Variants in WWOX observed in about 807,000 individuals in gnomAD.
WWOX encodes the protein WW domain-containing oxidoreductase.
WWOX carries 69 observed loss-of-function variants against 46.2 expected under a neutral mutation model. The ratio of observed to expected loss-of-function variants is 1.49; its 90% CI spans 1.23 to 1.82. The LOEUF is 1.82. Ranked by LOEUF, WWOX falls within the 40% of genes most tolerant of loss-of-function variation. WWOX has a pLI of 0.00. For missense variants in WWOX, 919 were observed against 542.6 expected (o/e 1.69, Z -6.89); for synonymous variants, 359 against 202.6 (o/e 1.77, Z -6.56).
At chr16:78,658,051 G>A (rs1001718794) in intron 8 of WWOX, among the ~76,000 whole-genome samples, 3 of 151,884 alleles carry the variant, frequency 2.0e-5, no homozygotes, top group Non-Finnish European at 4.4e-5. Context: ...ATTCTTTGTT[G>A]GGGGGGATTT....
At chr16:78,637,225 C>T (rs533345188) in intron 8 of WWOX, among the ~76,000 whole-genome samples, 2 of 152,104 alleles carry the variant, frequency 1.3e-5, no homozygotes, top group South Asian at 2.1e-4. Context: ...AGTTTGAGAC[C>T]AGCCTGGGCA....
At chr16:78,841,510 T>C (rs2052148961) in intron 8 of WWOX, among the ~76,000 whole-genome samples, 1 of 152,222 alleles carries the variant, frequency 6.6e-6, no homozygotes, top group African/African-American at 2.4e-5. Flanking sequence ...ATAAGGATGA[T>C]TGTTTTAGTT....
chr16:78,592,492 C>T (rs1188476531), intron 8 of WWOX, among the ~76,000 whole-genome samples: 2 of 152,176 alleles, frequency 1.3e-5, no homozygotes, highest in South Asian at 4.1e-4. Context: ...ATTCCTCAAG[C>T]CCCTGGACTC....
intron 8 of WWOX, among the ~76,000 whole-genome samples, chr16:79,142,177 C>T (rs576646331): frequency 6.6e-6 from 1 of 151,640 alleles, no homozygotes; most frequent in South Asian, 2.1e-4. Context: ...TGTAGATATT[C>T]CAGGGATGGA....
intron 8 of WWOX, among the ~76,000 whole-genome samples, chr16:78,814,958 C>G (rs1461576393): frequency 2.6e-5 from 4 of 152,186 alleles, no homozygotes; most frequent in African/African-American, 9.6e-5. Context: ...CTTTCTTCTT[C>G]TGGTTGGATT....
chr16:78,879,928 A>G (rs2044309442), intron 8 of WWOX, among the ~76,000 whole-genome samples: 1 of 152,090 alleles, frequency 6.6e-6, no homozygotes, highest in Non-Finnish European at 1.5e-5. Flanking sequence ...TGGAATCTCT[A>G]GGGTCTCTGG....
At position 78,147,922 on chromosome 16, in the gene WWOX, A is replaced by C. The variant is rs2034264177; in HGVS notation, c.410-16261A>C. Among the ~76,000 whole-genome samples the C allele has an allele frequency of 2.0e-5, 3 of 151,976 alleles. No individual in the cohort carries two copies. The South Asian group carries it at 6.2e-4, about 31-fold the overall frequency. Reference sequence around the variant, plus strand: ...TCACAGCCCTTTTGGTCATTAAGAAAGTCAAGGAACGGGGTCTCTTTGGAT... The same window carrying C: ...TCACAGCCCTTTTGGTCATTAAGAACGTCAAGGAACGGGGTCTCTTTGGAT... On this transcript the variant is annotated intron_variant, in intron 4 of 8. Coordinates refer to ENST00000566780, the MANE Select transcript of WWOX (RefSeq NM_016373.4).
chr16:79,060,155 G>A (rs1437229392), intron 8 of WWOX, among the ~76,000 whole-genome samples: 7 of 152,162 alleles, frequency 4.6e-5, no homozygotes, highest in African/African-American at 9.7e-5. Context: ...TGGGCAGTGG[G>A]GGTGGGGAGG....
Position 78,836,989 on chromosome 16 carries a change from G to A in WWOX, c.1057-374619G>A, listed in dbSNP as rs555019868. ...GAGAGAAACAGGGAGAGTGGAGGTT[G>A]TTCTCTAGAACATAGAAGCCGCTTC... On this transcript the variant is annotated intron_variant, in intron 8 of 8. Transcript: ENST00000566780. 3.9e-5 allele frequency among the ~76,000 whole-genome samples: 6 copies of A among 152,274 alleles called. No individual in the cohort carries two copies. The East Asian group carries it at 5.8e-4, about 15-fold the overall frequency.
intron 8 of WWOX, among the ~76,000 whole-genome samples, chr16:78,902,805 C>G (rs920846669): frequency 1.2e-4 from 19 of 152,182 alleles, no homozygotes; most frequent in East Asian, 3.9e-4. Context: ...CTGCCCTGTC[C>G]TCAGGCTTAG....
chr16:78,737,160 T>A (rs2049111063), intron 8 of WWOX, among the ~76,000 whole-genome samples: 1 of 151,874 alleles, frequency 6.6e-6, no homozygotes, highest in Non-Finnish European at 1.5e-5. Context: ...AGTGCAGTGG[T>A]ATGATCTCGG....
In WWOX at chr16:79,005,174, A is replaced by T. The variant is rs150442764; in HGVS notation, c.1057-206434A>T. Among the ~76,000 whole-genome samples, 73 of 152,208 alleles carry T rather than the reference A, an allele frequency of 4.8e-4. 1 individual carries two copies. Among genetic ancestry groups the T allele is most frequent in the Middle Eastern group, 3.4e-3 (1 of 294 alleles). On this transcript the variant is annotated intron_variant, in intron 8 of 8. Coordinates refer to ENST00000566780, the MANE Select transcript of WWOX (RefSeq NM_016373.4). ...CTCTTTTGCTTGCCTTGTGCTTTGA[A>T]TGCAGGCCTGATGTTTGCCTGTGGA...
chr16:78,964,746 C>A (rs1201594096), intron 8 of WWOX, among the ~76,000 whole-genome samples: 3 of 152,236 alleles, frequency 2.0e-5, no homozygotes, highest in African/African-American at 7.2e-5. Flanking sequence ...AGCAGCCCCT[C>A]CTATCAGAGG....
At chr16:78,233,617 C>T (rs575907242) in intron 5 of WWOX, among the ~76,000 whole-genome samples, 8 of 151,368 alleles carry the variant, frequency 5.3e-5, no homozygotes, top group African/African-American at 1.9e-4. Context: ...AGCTCCGCCT[C>T]CCGGGTTCAT....
chr16:78,876,295 C>G (rs1340111225), intron 8 of WWOX, among the ~76,000 whole-genome samples: 1 of 151,530 alleles, frequency 6.6e-6, no homozygotes. Context: ...GTACTTTAGT[C>G]TAAGTGATGG....
chr16:79,208,283 C>G (rs1438470179), intron 8 of WWOX, among the ~76,000 whole-genome samples: 1 of 152,122 alleles, frequency 6.6e-6, no homozygotes, highest in Non-Finnish European at 1.5e-5. Flanking sequence ...TCGTCAACAA[C>G]CTAACTCATT....
chr16:79,167,932 C>G (rs2050626626), intron 8 of WWOX, among the ~76,000 whole-genome samples: 1 of 152,164 alleles, frequency 6.6e-6, no homozygotes, highest in Non-Finnish European at 1.5e-5. Flanking sequence ...CTTTTGGTCT[C>G]TGTGGATTTG....
intron 8 of WWOX, among the ~76,000 whole-genome samples, chr16:78,919,049 G>C (rs1318101928): frequency 6.6e-6 from 1 of 152,132 alleles, no homozygotes; most frequent in African/African-American, 2.4e-5. Context: ...AGTCATAGCA[G>C]CCGCTGCCAA....
intron 8 of WWOX, among the ~76,000 whole-genome samples, chr16:79,070,986 T>C (rs148325040): frequency 8.9e-4 from 135 of 152,280 alleles, no homozygotes; most frequent in African/African-American, 2.9e-3. Context: ...CCCACATACT[T>C]TGGGACTCAG....
Sources: gnomAD v4.1 joint callset for allele counts (sites outside exome capture counted in the v4.1 genomes callset) on GRCh38, gnomAD v4.1.1 for gene constraint, MANE v1.5 for transcripts, NCBI Gene and HGNC (gene_info 2026-07-23, HGNC 2026-07-21) for gene names.